The following OCM variants were observed in gnomAD, a reference collection of about 807,000 sequenced individuals.
OCM encodes oncomodulin, also known as oncomodulin-1.
Under a neutral mutation model 14.1 loss-of-function variants are expected in OCM, and 18 were observed. The ratio of observed to expected loss-of-function variants is 1.28; its 90% CI spans 0.88 to 1.89. The LOEUF is 1.89. OCM is among the 40% of genes most tolerant of loss of function. OCM has a pLI of 0.00. For missense variants in OCM, 140 were observed against 137.6 expected (o/e 1.02, Z -0.09); for synonymous variants, 48 against 51.0 (o/e 0.94, Z 0.25).
At chr7:5,876,270 C>T (rs191251221), upstream of OCM, among the ~76,000 whole-genome samples, 1 of 152,296 alleles carries the variant, frequency 6.6e-6, no homozygotes, top group Non-Finnish European at 1.5e-5. Flanking sequence ...TCCCAAAGTG[C>T]TGGGATTACA....
the OCM span, among the ~76,000 whole-genome samples, chr7:5,870,397 G>A: frequency 6.6e-6 from 1 of 152,186 alleles, no homozygotes; most frequent in Admixed American, 6.5e-5. Flanking sequence ...ACAGGCGTGA[G>A]CCACTGCCCT....
chr7:5,879,061 C>T (rs942110278), upstream of OCM, among the ~76,000 whole-genome samples: 1 of 151,910 alleles, frequency 6.6e-6, no homozygotes, highest in Non-Finnish European at 1.5e-5. Flanking sequence ...ATTAGCCAGG[C>T]ATGGTGGTGT....
upstream of OCM, among the ~76,000 whole-genome samples, chr7:5,880,242 G>A (rs1781182280): frequency 1.3e-5 from 2 of 152,146 alleles, no homozygotes; most frequent in Non-Finnish European, 2.9e-5. Flanking sequence ...CAGTGCATGT[G>A]TAACATGGTT....
At chr7:5,884,162 A>G (rs1031584465) in intron 3 of OCM, among the ~76,000 whole-genome samples, 163 bp downstream of exon 3, 1 of 152,106 alleles carries the variant, frequency 6.6e-6, no homozygotes, top group African/African-American at 2.4e-5. Flanking sequence ...AAGGATGCAA[A>G]TGATGTGTGT....
intron 3 of OCM, among the ~76,000 whole-genome samples, chr7:5,884,330 AG>A (rs1469412881): frequency 6.6e-6 from 1 of 152,162 alleles, no homozygotes; most frequent in Non-Finnish European, 1.5e-5. Context: ...ATAAAGCGCG[AG>A]GTATTTCTAC....
chr7:5,876,464 TTAAG>T (rs1275751809), upstream of OCM, among the ~76,000 whole-genome samples: 1 of 152,148 alleles, frequency 6.6e-6, no homozygotes, highest in East Asian at 1.9e-4. Flanking sequence ...AGAAACTTCT[TTAAG>T]GGGCTGGGCG....
chr7:5,867,239 C>G, the OCM span, among the ~76,000 whole-genome samples: 1 of 151,954 alleles, frequency 6.6e-6, no homozygotes, highest in African/African-American at 2.4e-5. Flanking sequence ...ACCTGTAATC[C>G]CACCTACTCA....
the OCM span, among the ~76,000 whole-genome samples, chr7:5,860,286 T>G: frequency 6.6e-6 from 1 of 151,122 alleles, no homozygotes. Flanking sequence ...TACCATTTTG[T>G]TTCTTTTCTG....
upstream of OCM, among the ~76,000 whole-genome samples, chr7:5,878,024 G>A (rs1224395841): frequency 6.7e-6 from 1 of 148,192 alleles, no homozygotes; most frequent in Non-Finnish European, 1.5e-5. Context: ...AGGCTGTAGT[G>A]CAGTGACGTG....
chr7:5,885,013 G>C (rs1440589755), intron 3 of OCM, among the ~76,000 whole-genome samples: 1 of 151,792 alleles, frequency 6.6e-6, no homozygotes, highest in East Asian at 1.9e-4. Flanking sequence ...CCAACTACTC[G>C]GGAAGCTGAG....
chr7:5,860,388 G>A, the OCM span, among the ~76,000 whole-genome samples: 23 of 141,140 alleles, frequency 1.6e-4, no homozygotes, highest in Admixed American at 8.9e-4. Flanking sequence ...ATATCATTAG[G>A]TATATATACG....
the OCM span, among the ~76,000 whole-genome samples, chr7:5,866,144 A>G: frequency 0.03 from 4,530 of 151,000 alleles, 90 homozygotes; most frequent in Non-Finnish European, 0.044. Context: ...AACATAGCAA[A>G]ACCCCAGTCT....
the OCM span, among the ~76,000 whole-genome samples, chr7:5,861,496 C>T: frequency 6.6e-6 from 1 of 151,918 alleles, no homozygotes; most frequent in Non-Finnish European, 1.5e-5. Context: ...ATAGACACTT[C>T]CACTGTGTTT....
the OCM span, among the ~76,000 whole-genome samples, chr7:5,863,812 G>A: frequency 3.9e-5 from 6 of 152,102 alleles, no homozygotes; most frequent in Non-Finnish European, 8.8e-5. Flanking sequence ...AATTACAGGC[G>A]TGAGCCACTG....
chr7:5,877,352 C>T (rs1381472934), upstream of OCM, among the ~76,000 whole-genome samples: 1 of 151,728 alleles, frequency 6.6e-6, no homozygotes, highest in African/African-American at 2.4e-5. Flanking sequence ...CCTATAGTCC[C>T]AGCCTCCTGG....
In OCM at chr7:5,883,961, C is replaced by T. The variant is rs570440124; in HGVS notation, c.266C>T (p.Ala89Val). 3.8e-5 allele frequency: 62 copies of T among 1,613,196 alleles called. No homozygotes were observed. The highest frequency in any genetic ancestry group is 7.7e-5 in the South Asian group (7 of 90,958). ...TCAGAAACCAAGTCCTTGATGGCTG[C>T]GGCGGATAATGATGGAGATGGGAAA... The part of the protein sequence containing the change: ...TESETKSLMA[A>V]ADNDGDGKIG... Residue 89 changes from alanine (A) to valine (V), a missense_variant, in exon 3 of 4, where the codon GCG (alanine) becomes GTG (valine). By Grantham distance (64) the Ala-to-Val change is moderately conservative. Transcript: ENST00000242104.
chr7:5,882,242 A>C (rs1408654557), intron 1 of OCM, among the ~76,000 whole-genome samples: 2 of 151,942 alleles, frequency 1.3e-5, no homozygotes, highest in Non-Finnish European at 2.9e-5. Flanking sequence ...GGGGAGGCAC[A>C]GAAGAGATGA....
the OCM span, among the ~76,000 whole-genome samples, chr7:5,865,716 T>C: frequency 6.6e-6 from 1 of 152,180 alleles, no homozygotes; most frequent in African/African-American, 2.4e-5. Context: ...AAATGAAACA[T>C]GCTCAGCTGC....
upstream of OCM, among the ~76,000 whole-genome samples, chr7:5,877,419 G>C (rs1346288724): frequency 1.3e-5 from 2 of 149,202 alleles, no homozygotes; most frequent in Admixed American, 1.3e-4. Context: ...AGTGAGCCGA[G>C]ATCACACTAC....
Sources: gnomAD v4.1 joint callset for allele counts (sites outside exome capture counted in the v4.1 genomes callset) on GRCh38, gnomAD v4.1.1 for gene constraint, MANE v1.5 for transcripts, NCBI Gene and HGNC (gene_info 2026-07-23, HGNC 2026-07-21) for gene names.